The following WDFY4 variants were observed in gnomAD, a reference collection of about 807,000 sequenced individuals.
The protein encoded by WDFY4 is WD repeat- and FYVE domain-containing protein 4.
A neutral mutation model predicts 351.9 loss-of-function variants in WDFY4; 169 were observed. The ratio of observed to expected loss-of-function variants is 0.48; its 90% CI spans 0.42 to 0.55. The LOEUF is 0.55. Ranked by LOEUF, WDFY4 falls within the 20% of genes least tolerant of loss-of-function variation. WDFY4 has a pLI of 0.00. For missense variants in WDFY4, 3,803 were observed against 3,935.6 expected, an observed-to-expected ratio of 0.97 and a Z score of 0.90; for synonymous variants, 1,622 against 1,574.6, an observed-to-expected ratio of 1.03 and a Z score of -0.71.
chr10:48,821,817 G>T (rs1041791140), intron 34 of WDFY4, among the ~76,000 whole-genome samples: 5 of 152,202 alleles, frequency 3.3e-5, no homozygotes, highest in African/African-American at 1.2e-4. Flanking sequence ...TAGCAGGGTG[G>T]TGAAGTGTGG....
At chr10:48,963,816 TAA>T in intron 53 of WDFY4, 24 bp from the exon 54 acceptor site, 2 of 1,550,590 alleles carry the variant, frequency 1.3e-6, no homozygotes, top group South Asian at 2.4e-5. Context: ...GCCTGGGTTT[TAA>T]TGCTCTTTGG....
intron 33 of WDFY4, 54 bp from the exon 34 acceptor site, chr10:48,821,007 TG>T: frequency 7.8e-7 from 1 of 1,282,892 alleles, no homozygotes; most frequent in Non-Finnish European, 1.1e-6. Flanking sequence ...CGGTGGGCAC[TG>T]GGTGCACACG....
At chr10:48,864,701 T>C (rs1378721339) in intron 39 of WDFY4, among the ~76,000 whole-genome samples, 1 of 152,204 alleles carries the variant, frequency 6.6e-6, no homozygotes, top group Non-Finnish European at 1.5e-5. Context: ...TATAAGAACT[T>C]GTTACCATAC....
At chr10:48,907,595 C>T (rs188013543) in intron 47 of WDFY4, among the ~76,000 whole-genome samples, 36 of 152,248 alleles carry the variant, frequency 2.4e-4, no homozygotes, top group Admixed American at 1.2e-3. Flanking sequence ...AGAACCTATG[C>T]GATTCCCATG....
chr10:48,778,175 C>CA (rs1353697310), intron 17 of WDFY4, among the ~76,000 whole-genome samples: 1 of 152,220 alleles, frequency 6.6e-6, no homozygotes, highest in East Asian at 1.9e-4. Flanking sequence ...CCATTGCCTT[C>CA]ATGACGTTTT....
chr10:48,981,882 G>T (rs1402641950), intron 61 of WDFY4, among the ~76,000 whole-genome samples: 1 of 152,212 alleles, frequency 6.6e-6, no homozygotes, highest in East Asian at 1.9e-4. Context: ...GCTCTTAGCT[G>T]CTGTAGCATA....
Position 48,820,123 on chromosome 10 carries a change from C to T in WDFY4, c.5506-111C>T, listed in dbSNP as rs143145937. On this transcript the variant is annotated intron_variant, in intron 32 of 61. Transcript: ENST00000325239. ...CTTTCCTGTGCGGAGCCTCAATTTC[C>T]GTACATGTCACTGGGCATGACAATA... 1.2e-3 allele frequency: 1,522 copies of T among 1,242,648 alleles called. 11 individuals carry two copies. In the African/African-American group the frequency reaches 0.019, roughly 16 times the overall value. 77.0% of individuals were successfully genotyped at this position (1,242,648 alleles called of 1,614,324 possible).
intron 47 of WDFY4, 67 bp downstream of exon 47, chr10:48,901,930 C>T: frequency 1.4e-6 from 2 of 1,414,310 alleles, no homozygotes. Context: ...TCCTCTGCCT[C>T]ATCCCACTCT....
chr10:48,952,756 A>C (rs1841389466), intron 51 of WDFY4, among the ~76,000 whole-genome samples: 1 of 152,114 alleles, frequency 6.6e-6, no homozygotes. Context: ...CAGGAAGGAA[A>C]GCTAATGGCC....
rs1246801735 is a variant in WDFY4 at position 48,775,816 on chromosome 10, G to A, written c.2863+10G>A. 1 of 1,549,546 alleles carries A rather than the reference G, an allele frequency of 6.5e-7. No homozygotes were observed. Among genetic ancestry groups the A allele is most frequent in the Admixed American group, 2.0e-5 (1 of 50,996 alleles). On this transcript the variant is annotated intron_variant, in intron 15 of 61. Coordinates refer to ENST00000325239, the MANE Select transcript of WDFY4 (RefSeq NM_001394531.1). ...AACCCTGGGTGCTCAGGTGAGGACA[G>A]TGGCAAGAACGGGGCAGGTTAATGG...
Position 48,712,828 on chromosome 10 carries a change from C to G in WDFY4, c.234+2862C>G, listed in dbSNP as rs1415853205. The stretch of plus-strand genomic sequence containing the variant: ...AGTTCCCCCTTGGAAATAACAGAAC[C>G]TAAAATGTTATGCCACTTCTCCCGG... On this transcript the variant is annotated intron_variant, in intron 2 of 61. Coordinates refer to ENST00000325239, the MANE Select transcript of WDFY4 (RefSeq NM_001394531.1). 4.1e-5 allele frequency among the ~76,000 whole-genome samples: 6 copies of G among 144,852 alleles called. No individual in the cohort carries two copies. The South Asian group carries it at 8.7e-4, about 21-fold the overall frequency.
intron 7 of WDFY4, among the ~76,000 whole-genome samples, chr10:48,729,093 G>C: frequency 6.6e-6 from 1 of 152,216 alleles, no homozygotes. Context: ...TTGCAATGTT[G>C]AACTATTATA....
rs1841638547 is a variant in WDFY4, at chr10:48,957,289, G to A, written c.8131+7G>A. 1.3e-6 allele frequency: 2 copies of A among 1,550,024 alleles called. No individual in the cohort carries two copies. Among genetic ancestry groups the A allele is most frequent in the African/African-American group, 2.7e-5 (2 of 73,014 alleles). ...TGCAACGGGGTAGAGTTCGGTAAGT[G>A]GAGGCCTGGTGAGGCCGGGTGAGTG... is the stretch of plus-strand genomic sequence containing the variant. On this transcript the variant is annotated splice_region_variant and intron_variant, in intron 52 of 61. Transcript: ENST00000325239.
chr10:48,864,628 T>C (rs989561917), intron 39 of WDFY4, among the ~76,000 whole-genome samples: 2 of 152,172 alleles, frequency 1.3e-5, no homozygotes, highest in Non-Finnish European at 1.5e-5. Context: ...AGAGTGATCA[T>C]TGGAATTTGA....
chr10:48,943,275 C>G (rs1158633768), intron 48 of WDFY4, 55 bp from the exon 49 acceptor site: 1 of 1,540,570 alleles, frequency 6.5e-7, no homozygotes, highest in African/African-American at 1.4e-5. Flanking sequence ...GGACCCATGG[C>G]TTTGCAGGAG....
intron 1 of WDFY4, among the ~76,000 whole-genome samples, chr10:48,706,009 G>A (rs2063617237): frequency 6.6e-6 from 1 of 152,174 alleles, no homozygotes; most frequent in Admixed American, 6.5e-5. Context: ...CCATGGCTTG[G>A]GGCTGGCTCT....
At chr10:48,817,459 A>G (rs1272031269) in intron 32 of WDFY4, 50 bp downstream of exon 32, 3 of 1,500,820 alleles carry the variant, frequency 2.0e-6, no homozygotes, top group Non-Finnish European at 2.7e-6. Flanking sequence ...GAGCATCATC[A>G]TCCTTCAAGG....
At chr10:48,723,900 C>T (rs2064175603) in intron 5 of WDFY4, among the ~76,000 whole-genome samples, 1 of 152,034 alleles carries the variant, frequency 6.6e-6, no homozygotes, top group Non-Finnish European at 1.5e-5. Flanking sequence ...GGTGAGTGAG[C>T]ATGGGGTCTG....
chr10:48,947,808 A>G (rs985444140), intron 51 of WDFY4, among the ~76,000 whole-genome samples: 5 of 152,098 alleles, frequency 3.3e-5, no homozygotes, highest in African/African-American at 1.2e-4. Flanking sequence ...GGCTCGGCTG[A>G]CTCTAAAGAG....
Sources: gnomAD v4.1 joint callset for allele counts (sites outside exome capture counted in the v4.1 genomes callset) on GRCh38, gnomAD v4.1.1 for gene constraint, MANE v1.5 for transcripts, NCBI Gene and HGNC (gene_info 2026-07-23, HGNC 2026-07-21) for gene names.